ACYP2: variants seen among roughly 807,000 people sequenced by gnomAD.
ACYP2 encodes acylphosphatase 2, also known as acylphosphatase-2.
ACYP2 carries 12 observed loss-of-function variants against 11.2 expected under a neutral mutation model. That is an observed-to-expected ratio of 1.08 (90% confidence interval 0.69 to 1.74). ACYP2 has a LOEUF of 1.74. Among genes scored for constraint, ACYP2 ranks in the 40% most tolerant of loss-of-function variants. ACYP2 has a pLI of 0.00. For missense variants in ACYP2, 134 were observed against 101.9 expected, an observed-to-expected ratio of 1.31 and a Z score of -1.35; for synonymous variants, 43 against 32.2, an observed-to-expected ratio of 1.33 and a Z score of -1.13.
chr2:54,214,381 G>A (rs1341318907), intron 6 of ACYP2, among the ~76,000 whole-genome samples: 3 of 152,092 alleles, frequency 2.0e-5, no homozygotes, highest in African/African-American at 4.8e-5. Context: ...TACATTTCAC[G>A]TTTAAGTCTT....
At chr2:54,071,734 G>A (rs1297808657) in intron 4 of ACYP2, among the ~76,000 whole-genome samples, 1 of 152,158 alleles carries the variant, frequency 6.6e-6, no homozygotes, top group East Asian at 1.9e-4. Context: ...CGTTAGGCCG[G>A]GTGTGGTGGC....
At chr2:54,228,607 G>C (rs1686104428) in intron 6 of ACYP2, among the ~76,000 whole-genome samples, 1 of 152,036 alleles carries the variant, frequency 6.6e-6, no homozygotes, top group African/African-American at 2.4e-5. Context: ...TCATCAGTTG[G>C]TGTTAATGGA....
chr2:54,009,353 G>C (rs1036752582), intron 2 of ACYP2, among the ~76,000 whole-genome samples: 1 of 152,000 alleles, frequency 6.6e-6, no homozygotes, highest in Admixed American at 6.6e-5. Flanking sequence ...TAGGTCAGGA[G>C]TTTGAGCCCA....
chr2:54,095,562 G>T lies in ACYP2; in HGVS notation c.277+38202G>T, dbSNP rs1462602668. On this transcript the variant is annotated intron_variant, in intron 4 of 6. Coordinates refer to ENST00000607452, the MANE Select transcript of ACYP2 (RefSeq NM_001320586.2). Reference sequence around the variant, plus strand: ...GACGGGGCAGCTGGCTGGGCGGGGGGCTGACCCCACCACCTCCCTCCCGGA... The same window carrying T: ...GACGGGGCAGCTGGCTGGGCGGGGGTCTGACCCCACCACCTCCCTCCCGGA... 2.7e-5 allele frequency among the ~76,000 whole-genome samples: 4 copies of T among 149,916 alleles called. No individual in the cohort carries two copies. In the East Asian group the frequency reaches 8.1e-4, roughly 31 times the overall value.
intron 6 of ACYP2, among the ~76,000 whole-genome samples, chr2:54,158,985 T>C (rs1321420823): frequency 6.6e-6 from 1 of 152,298 alleles, no homozygotes; most frequent in East Asian, 1.9e-4. Context: ...TGGTTTGATA[T>C]TCTTCAGAGT....
intron 2 of ACYP2, among the ~76,000 whole-genome samples, chr2:53,994,051 C>T (rs2104521357): frequency 6.6e-6 from 1 of 152,164 alleles, no homozygotes; most frequent in Non-Finnish European, 1.5e-5. Context: ...AGCCAGGCGG[C>T]TGGGCGTAGT....
At position 54,204,906 on chromosome 2, in the gene ACYP2, G is replaced by C. The variant is rs146572573; in HGVS notation, c.404+66158G>C. The stretch of plus-strand genomic sequence containing the variant: ...CTTTGCTTCATATTCCAGTTTACTA[G>C]TTTGGTTTTTAATACCAGCCATTCA... On this transcript the variant is annotated intron_variant, in intron 6 of 6. Transcript: ENST00000607452. Among the ~76,000 whole-genome samples, 5 of 152,244 alleles carry C rather than the reference G, an allele frequency of 3.3e-5. No homozygotes were observed. In the East Asian group the frequency reaches 9.6e-4, roughly 29 times the overall value.
intron 6 of ACYP2, among the ~76,000 whole-genome samples, chr2:54,277,277 T>C (rs1488679313): frequency 6.6e-6 from 1 of 152,218 alleles, no homozygotes; most frequent in East Asian, 1.9e-4. Context: ...CCCTCCTTCC[T>C]TTTCCCTCCT....
chr2:54,243,556 G>A (rs1007858806), intron 6 of ACYP2, among the ~76,000 whole-genome samples: 3 of 151,884 alleles, frequency 2.0e-5, no homozygotes, highest in Middle Eastern at 3.2e-3. Flanking sequence ...GTGTAGTGGC[G>A]CAATCTCAGC....
intron 4 of ACYP2, among the ~76,000 whole-genome samples, chr2:54,126,597 C>CAAAAA (rs34045950): frequency 3.6e-5 from 4 of 109,644 alleles, no homozygotes; most frequent in African/African-American, 1.4e-4. Flanking sequence ...GTCAAATTTG[C>CAAAAA]AAAAAAAAAA....
intron 6 of ACYP2, among the ~76,000 whole-genome samples, chr2:54,201,636 C>CTTTTTCTTTCTTTCTT (rs59874821): frequency 1.1e-5 from 1 of 93,662 alleles, no homozygotes; most frequent in African/African-American, 4.3e-5. Flanking sequence ...TTCTTTCTTT[C>CTTTTTCTTTCTTTCTT]TCTTTCTTTC....
chr2:53,980,743 A>G (rs1273465359), intron 2 of ACYP2, among the ~76,000 whole-genome samples: 2 of 151,594 alleles, frequency 1.3e-5, no homozygotes, highest in Non-Finnish European at 2.9e-5. Flanking sequence ...AGCGCCCTGT[A>G]TAGGTGTACT....
intron 6 of ACYP2, among the ~76,000 whole-genome samples, chr2:54,201,636 C>CCCTTTCTT (rs1553391349): frequency 5.3e-5 from 5 of 93,660 alleles, no homozygotes; most frequent in African/African-American, 1.7e-4. Context: ...TTCTTTCTTT[C>CCCTTTCTT]TCTTTCTTTC....
At chr2:54,086,248 C>T (rs149774915) in intron 4 of ACYP2, among the ~76,000 whole-genome samples, 1 of 152,266 alleles carries the variant, frequency 6.6e-6, no homozygotes, top group East Asian at 1.9e-4. Context: ...CCCGGCACAG[C>T]CACTTTTACA....
At chr2:54,155,438 C>T (rs931611537) in intron 6 of ACYP2, among the ~76,000 whole-genome samples, 3 of 152,134 alleles carry the variant, frequency 2.0e-5, no homozygotes, top group Admixed American at 2.0e-4. Context: ...ACCCTTGTGA[C>T]CTGTTAGGAA....
At chr2:54,163,872 T>C (rs1682838485) in intron 6 of ACYP2, among the ~76,000 whole-genome samples, 1 of 152,018 alleles carries the variant, frequency 6.6e-6, no homozygotes, top group African/African-American at 2.4e-5. Flanking sequence ...AAAAAAGTTA[T>C]CATTCACTTA....
intron 2 of ACYP2, among the ~76,000 whole-genome samples, chr2:54,035,329 G>A (rs1405867506): frequency 2.0e-5 from 3 of 146,732 alleles, no homozygotes; most frequent in Non-Finnish European, 3.0e-5. Context: ...GCAGTGGTGC[G>A]ATCTCGGCGC....
At chr2:54,241,856 T>G (rs1686743313) in intron 6 of ACYP2, among the ~76,000 whole-genome samples, 1 of 152,020 alleles carries the variant, frequency 6.6e-6, no homozygotes, top group Non-Finnish European at 1.5e-5. Context: ...CTACTAAAAA[T>G]ACAAAAATTA....
chr2:54,123,058 C>T (rs1005985275), intron 4 of ACYP2: 1 of 271,920 alleles, frequency 3.7e-6, no homozygotes, highest in Non-Finnish European at 6.9e-6. Flanking sequence ...GTAACTTGCT[C>T]CCAGCGGGAG....
Sources: gnomAD v4.1 joint callset for allele counts (sites outside exome capture counted in the v4.1 genomes callset) on GRCh38, gnomAD v4.1.1 for gene constraint, MANE v1.5 for transcripts, NCBI Gene and HGNC (gene_info 2026-07-23, HGNC 2026-07-21) for gene names.